The following NYAP2 variants were observed in gnomAD, a reference collection of about 807,000 sequenced individuals.
NYAP2 encodes the protein neuronal tyrosine-phosphorylated phosphoinositide-3-kinase adapter 2.
A neutral mutation model predicts 50.4 loss-of-function variants in NYAP2; 23 were observed. The observed-to-expected ratio is 0.46, with a 90% CI of 0.33 to 0.65. The LOEUF is 0.65. Ranked by LOEUF, NYAP2 falls within the 30% of genes least tolerant of loss-of-function variation. NYAP2 has a pLI of 0.02. For missense variants in NYAP2, 885 were observed against 861.0 expected (o/e 1.03, Z -0.35); for synonymous variants, 394 against 365.2 (o/e 1.08, Z -0.90).
chr2:225,686,799 T>C, the NYAP2 span, among the ~76,000 whole-genome samples: 5 of 152,186 alleles, frequency 3.3e-5, no homozygotes, highest in East Asian at 3.9e-4. Context: ...AACACTGTGG[T>C]TATTGTGCCT....
At chr2:225,568,601 T>G (rs1217051199) in intron 4 of NYAP2, among the ~76,000 whole-genome samples, 1 of 152,220 alleles carries the variant, frequency 6.6e-6, no homozygotes, top group African/African-American at 2.4e-5. Context: ...TGTGATATTC[T>G]AGTCACTTTA....
At chr2:225,576,944 C>A (rs545317715) in intron 4 of NYAP2, among the ~76,000 whole-genome samples, 1 of 152,184 alleles carries the variant, frequency 6.6e-6, no homozygotes, top group African/African-American at 2.4e-5. Flanking sequence ...ACAAGGCTAA[C>A]CTCTGTTGTA....
chr2:225,602,169 A>C (rs1692702760), intron 5 of NYAP2, among the ~76,000 whole-genome samples: 1 of 152,204 alleles, frequency 6.6e-6, no homozygotes, highest in South Asian at 2.1e-4. Flanking sequence ...GAATGTGCTG[A>C]CTGGTCTATG....
At chr2:225,495,563 G>GT (rs563533290) in intron 3 of NYAP2, among the ~76,000 whole-genome samples, 136 of 151,940 alleles carry the variant, frequency 9.0e-4, no homozygotes, top group Non-Finnish European at 1.4e-3. Context: ...GAGATAATTT[G>GT]TTTTTTTGTT....
At chr2:225,665,559 C>T in the NYAP2 span, among the ~76,000 whole-genome samples, 97,211 of 149,354 alleles carry the variant, frequency 0.65, 32,138 homozygotes, top group South Asian at 0.82. Context: ...CAGCACACCA[C>T]CTTTCCCTAG....
At chr2:225,677,032 C>T in the NYAP2 span, among the ~76,000 whole-genome samples, 5 of 152,114 alleles carry the variant, frequency 3.3e-5, no homozygotes, top group South Asian at 2.1e-4. Flanking sequence ...TTCTTCCAAC[C>T]CATGAGCATG....
rs934531748 is a variant in NYAP2, at chr2:225,610,741, C to A, written c.1619-16176C>A. On this transcript the variant is annotated intron_variant, in intron 5 of 6. Transcript: ENST00000636099. ...AAGTGCATTCTGTGTAATAATATAT[C>A]TTTTGGAATTGTTCTTGAAATGGGG... Among the ~76,000 whole-genome samples the A allele has an allele frequency of 5.9e-5, 9 of 152,112 alleles. No individual in the cohort carries two copies. In the South Asian group the frequency reaches 1.2e-3, roughly 21 times the overall value.
intron 4 of NYAP2, among the ~76,000 whole-genome samples, chr2:225,534,673 G>A (rs1168414636): frequency 6.6e-6 from 1 of 152,174 alleles, no homozygotes; most frequent in African/African-American, 2.4e-5. Context: ...TATCAGTCTA[G>A]GCCCGACAGG....
At chr2:225,581,408 T>C (rs1692266233) in intron 4 of NYAP2, among the ~76,000 whole-genome samples, 1 of 152,230 alleles carries the variant, frequency 6.6e-6, no homozygotes. Context: ...GTATGGAAGC[T>C]ATTTATTTGA....
the NYAP2 span, among the ~76,000 whole-genome samples, chr2:225,681,061 T>A: frequency 1.3e-5 from 2 of 152,220 alleles, no homozygotes; most frequent in African/African-American, 2.4e-5. Context: ...TTGCAACAAA[T>A]ATAACCCAAA....
chr2:225,575,152 G>A (rs78951623), intron 4 of NYAP2, among the ~76,000 whole-genome samples: 44 of 152,058 alleles, frequency 2.9e-4, no homozygotes, highest in East Asian at 2.7e-3. Context: ...TCTGCATTAC[G>A]ACAGGCAACA....
the NYAP2 span, among the ~76,000 whole-genome samples, chr2:225,675,033 C>T: frequency 2.0e-5 from 3 of 152,074 alleles, no homozygotes; most frequent in Admixed American, 6.6e-5. Context: ...ATTACCTTCT[C>T]AAATTATTTA....
chr2:225,679,333 G>C, the NYAP2 span, among the ~76,000 whole-genome samples: 2 of 151,800 alleles, frequency 1.3e-5, no homozygotes, highest in African/African-American at 4.8e-5. Flanking sequence ...AGAGCATCTT[G>C]GTATTTGCAA....
chr2:225,411,634 C>T (rs1238156345), intron 3 of NYAP2, among the ~76,000 whole-genome samples: 1 of 151,742 alleles, frequency 6.6e-6, no homozygotes, highest in African/African-American at 2.4e-5. Context: ...GGGTTGCCCC[C>T]TGGAGGCACC....
intron 4 of NYAP2, among the ~76,000 whole-genome samples, chr2:225,557,577 A>G (rs376847111): frequency 2.6e-5 from 4 of 152,286 alleles, no homozygotes; most frequent in African/African-American, 9.6e-5. Flanking sequence ...GGGAAATACA[A>G]CTATATAGAG....
At chr2:225,492,944 C>G (rs1690433871) in intron 3 of NYAP2, among the ~76,000 whole-genome samples, 1 of 152,032 alleles carries the variant, frequency 6.6e-6, no homozygotes, top group Admixed American at 6.6e-5. Flanking sequence ...TCAATGTATC[C>G]TGGCAGAGGA....
At chr2:225,620,512 T>C (rs905837929) in intron 5 of NYAP2, among the ~76,000 whole-genome samples, 6 of 151,838 alleles carry the variant, frequency 4.0e-5, no homozygotes, top group African/African-American at 1.5e-4. Flanking sequence ...CACACACACA[T>C]GAAAAAACAG....
At chr2:225,616,213 T>G (rs773970641) in intron 5 of NYAP2, among the ~76,000 whole-genome samples, 22 of 152,216 alleles carry the variant, frequency 1.4e-4, no homozygotes, top group Non-Finnish European at 2.8e-4. Context: ...ACTGAGCTGT[T>G]GTTCTTTCTC....
intron 4 of NYAP2, among the ~76,000 whole-genome samples, chr2:225,519,954 G>A (rs1405336158): frequency 5.0e-4 from 76 of 152,016 alleles, no homozygotes; most frequent in Non-Finnish European, 1.3e-4. Context: ...ACTTTTTAAT[G>A]ATTGCCATTC....
Sources: gnomAD v4.1 joint callset for allele counts (sites outside exome capture counted in the v4.1 genomes callset) on GRCh38, gnomAD v4.1.1 for gene constraint, MANE v1.5 for transcripts, NCBI Gene and HGNC (gene_info 2026-07-23, HGNC 2026-07-21) for gene names.